ABCB5: variants seen among roughly 807,000 people sequenced by gnomAD.
The protein encoded by ABCB5 is ATP binding cassette subfamily B member 5, also known as ATP-binding cassette sub-family B member 5.
ABCB5 carries 155 observed loss-of-function variants against 144.2 expected under a neutral mutation model. The observed-to-expected ratio is 1.08, with a 90% CI of 0.94 to 1.23. The LOEUF (loss-of-function observed/expected upper bound fraction) is 1.23. ABCB5 is among the 50% of genes most tolerant of loss of function. ABCB5 has a pLI of 0.00. For missense variants in ABCB5, 1,830 were observed against 1,520.8 expected (o/e 1.20, Z -3.38); for synonymous variants, 610 against 528.6 (o/e 1.15, Z -2.11).
chr7:20,661,534 C>CTCTTTTTTTTTTTTTTTTTTTTTT (rs1406657803), intron 14 of ABCB5, among the ~76,000 whole-genome samples: 6 of 132,388 alleles, frequency 4.5e-5, no homozygotes, highest in Admixed American at 7.4e-5. Flanking sequence ...TCTTTCTTTT[C>CTCTTTTTTTTTTTTTTTTTTTTTT]TTTTTCTTTT....
chr7:20,733,101 A>T (rs1377684293), intron 23 of ABCB5, among the ~76,000 whole-genome samples: 1 of 152,180 alleles, frequency 6.6e-6, no homozygotes, highest in African/African-American at 2.4e-5. Flanking sequence ...TAACTTGCTC[A>T]AAGTTACATA....
At chr7:20,689,121 AAATAAT>A (rs777350026) in intron 16 of ABCB5, among the ~76,000 whole-genome samples, 4 of 151,934 alleles carry the variant, frequency 2.6e-5, no homozygotes, top group African/African-American at 7.2e-5. Flanking sequence ...TATAATAATA[AAATAAT>A]AATAATAATA....
chr7:20,721,405 G>A (rs942559824), intron 20 of ABCB5, among the ~76,000 whole-genome samples: 2 of 152,134 alleles, frequency 1.3e-5, no homozygotes, highest in South Asian at 4.2e-4. Flanking sequence ...AAGGTAAAGA[G>A]GTTATTTAGT....
intron 2 of ABCB5, among the ~76,000 whole-genome samples, chr7:20,625,172 T>C (rs963550285): frequency 5.9e-5 from 9 of 152,214 alleles, no homozygotes; most frequent in Non-Finnish European, 1.5e-5. Flanking sequence ...TGTCATCTCA[T>C]GCCTCAGCCC....
chr7:20,666,636 G>C (rs1785204668), intron 14 of ABCB5: 2 of 1,261,122 alleles, frequency 1.6e-6, no homozygotes, highest in African/African-American at 1.5e-5. Flanking sequence ...GTGTCAAGTA[G>C]AGACCTGTCT....
At chr7:20,687,209 C>T (rs10230205) in intron 16 of ABCB5, among the ~76,000 whole-genome samples, 36,577 of 152,100 alleles carry the variant, frequency 0.24, 5,292 homozygotes, top group African/African-American at 0.4. Context: ...CCCTCAGCAA[C>T]TGCTGAAAAC....
intron 20 of ABCB5, among the ~76,000 whole-genome samples, chr7:20,713,310 T>G (rs917396749): frequency 2.0e-5 from 3 of 149,310 alleles, no homozygotes; most frequent in Non-Finnish European, 4.5e-5. Flanking sequence ...CACAGTTCAC[T>G]GTATCCTTGA....
intron 20 of ABCB5, among the ~76,000 whole-genome samples, chr7:20,720,674 G>A (rs919394194): frequency 2.0e-5 from 3 of 152,054 alleles, no homozygotes; most frequent in Non-Finnish European, 4.4e-5. Flanking sequence ...GGCCAGGCGC[G>A]GTGGCTCACG....
intron 17 of ABCB5, 131 bp from the exon 18 acceptor site, chr7:20,699,694 A>C (rs1245329897): frequency 2.2e-5 from 13 of 591,806 alleles, no homozygotes; most frequent in Non-Finnish European, 3.7e-5. Flanking sequence ...GCGACAGAGC[A>C]AGATTCTGTC....
intron 16 of ABCB5, among the ~76,000 whole-genome samples, chr7:20,687,126 A>C (rs982896109): frequency 6.6e-6 from 1 of 152,222 alleles, no homozygotes; most frequent in Non-Finnish European, 1.5e-5. Context: ...AGTACAAGAA[A>C]GTTTGTACTG....
At chr7:20,637,648 G>A (rs754002353) in intron 5 of ABCB5, among the ~76,000 whole-genome samples, 2 of 152,092 alleles carry the variant, frequency 1.3e-5, no homozygotes, top group South Asian at 4.1e-4. Flanking sequence ...TTGAACTCCC[G>A]ACCTCAGGTG....
intron 26 of ABCB5, among the ~76,000 whole-genome samples, chr7:20,751,194 C>T (rs1197362496): frequency 6.6e-6 from 1 of 152,170 alleles, no homozygotes; most frequent in Non-Finnish European, 1.5e-5. Context: ...CACTCACCAT[C>T]CCAGTGATTG....
intron 20 of ABCB5, among the ~76,000 whole-genome samples, chr7:20,710,512 T>TA (rs1295027527): frequency 2.0e-5 from 3 of 148,238 alleles, no homozygotes; most frequent in Admixed American, 6.7e-5. Flanking sequence ...TAAAAAAATA[T>TA]AAAAAACATT....
chr7:20,736,485 G>A (rs760918542), intron 23 of ABCB5, among the ~76,000 whole-genome samples: 2 of 152,158 alleles, frequency 1.3e-5, no homozygotes, highest in African/African-American at 2.4e-5. Context: ...CAAAGTGCTG[G>A]AATTACAGGC....
At chr7:20,635,505 G>C (rs1160238259) in intron 5 of ABCB5, among the ~76,000 whole-genome samples, 1 of 151,756 alleles carries the variant, frequency 6.6e-6, no homozygotes, top group Non-Finnish European at 1.5e-5. Flanking sequence ...GTCCAGTAAA[G>C]TCATTTTAAT....
intron 14 of ABCB5, among the ~76,000 whole-genome samples, chr7:20,662,613 G>T (rs775154323): frequency 6.6e-6 from 1 of 152,130 alleles, no homozygotes; most frequent in African/African-American, 2.4e-5. Flanking sequence ...TTTCTCCAAG[G>T]GAATTTCCTT....
In ABCB5 at chr7:20,742,977, G is replaced by T; in HGVS notation, c.3125G>T (p.Arg1042Leu). 1 of 1,614,114 alleles carries T rather than the reference G, an allele frequency of 6.2e-7. No homozygotes were observed. Among genetic ancestry groups the T allele is most frequent in the East Asian group, 2.2e-5 (1 of 44,884 alleles). ...CGTGGCTTATCCCTCAGTATTGAGC[G>T]AGGAAAGACAGTAGCATTTGTGGGG... ...ILRGLSLSIE[R>L]GKTVAFVGSS... Residue 1042 changes from arginine (R) to leucine (L), a missense_variant, in exon 25 of 28, where the codon CGA (arginine) becomes CTA (leucine). Physicochemically the swap from Arg to Leu is moderately radical, Grantham distance 102. Transcript: ENST00000404938.
At chr7:20,731,575 G>C (rs1194782699) in intron 23 of ABCB5, among the ~76,000 whole-genome samples, 2 of 151,896 alleles carry the variant, frequency 1.3e-5, no homozygotes, top group Non-Finnish European at 2.9e-5. Flanking sequence ...CTGAGCACAA[G>C]ACCCTTATCC....
At chr7:20,647,223 C>T in intron 9 of ABCB5, 1 of 1,021,642 alleles carries the variant, frequency 9.8e-7, no homozygotes, top group Non-Finnish European at 1.2e-6. Context: ...CAGCACACTT[C>T]AGTTAGCAGA....
Sources: allele counts gnomAD v4.1 joint callset (sites outside exome capture counted in the v4.1 genomes callset), GRCh38; gene constraint gnomAD v4.1.1; transcripts MANE v1.5; gene names NCBI Gene and HGNC (gene_info 2026-07-23, HGNC 2026-07-21).